Variants in B3GALT1 observed in about 807,000 individuals in gnomAD.
The protein encoded by B3GALT1 is beta-1,3-galactosyltransferase 1.
Under a neutral mutation model 23.2 loss-of-function variants are expected in B3GALT1, and 10 were observed. The ratio of observed to expected loss-of-function variants is 0.43; its 90% CI spans 0.27 to 0.73. B3GALT1 has a LOEUF of 0.73. B3GALT1 is among the 30% of genes least tolerant of loss of function. The probability of loss-of-function intolerance (pLI) is 0.21; values close to 1 mark genes in which losing one functional copy is unlikely to be tolerated. For synonymous variants in B3GALT1, 156 were observed against 141.5 expected, an observed-to-expected ratio of 1.10 and a Z score of -0.73; for missense variants, 299 against 405.4, an observed-to-expected ratio of 0.74 and a Z score of 2.25.
At chr2:167,542,287 C>T (rs764680096) in intron 2 of B3GALT1, among the ~76,000 whole-genome samples, 1 of 151,948 alleles carries the variant, frequency 6.6e-6, no homozygotes, top group Non-Finnish European at 1.5e-5. Context: ...TCTTTTCTAA[C>T]ATGTTTTGAG....
intron 2 of B3GALT1, among the ~76,000 whole-genome samples, chr2:167,635,986 A>G (rs1254445302): frequency 1.3e-5 from 2 of 152,176 alleles, no homozygotes; most frequent in Non-Finnish European, 2.9e-5. Context: ...TACTGGTACC[A>G]AAACAGATGT....
At chr2:167,752,405 G>T (rs1449513163) in intron 3 of B3GALT1, among the ~76,000 whole-genome samples, 1 of 151,992 alleles carries the variant, frequency 6.6e-6, no homozygotes, top group African/African-American at 2.4e-5. Flanking sequence ...TTTTATAAAG[G>T]CCGTGTAAAT....
intron 1 of B3GALT1, among the ~76,000 whole-genome samples, chr2:167,387,943 T>C (rs1049294668): frequency 7.9e-5 from 12 of 152,226 alleles, no homozygotes; most frequent in Non-Finnish European, 1.5e-4. Flanking sequence ...TGTAACTTAA[T>C]GGAATGCCAC....
chr2:167,449,259 A>G (rs975195615), intron 1 of B3GALT1, among the ~76,000 whole-genome samples: 2 of 152,050 alleles, frequency 1.3e-5, no homozygotes, highest in Non-Finnish European at 2.9e-5. Context: ...GTCATCAGTG[A>G]TTTCTTTCAG....
chr2:167,562,688 T>C (rs1219989792), intron 2 of B3GALT1, among the ~76,000 whole-genome samples: 1 of 151,596 alleles, frequency 6.6e-6, no homozygotes, highest in Non-Finnish European at 1.5e-5. Context: ...CTTGGGTGTT[T>C]CTCGCAGAGG....
intron 4 of B3GALT1, among the ~76,000 whole-genome samples, chr2:167,853,014 T>C (rs1022163057): frequency 1.3e-5 from 2 of 152,290 alleles, no homozygotes; most frequent in Non-Finnish European, 2.9e-5. Flanking sequence ...AGAGTCACAG[T>C]TCAAAGCAAT....
At chr2:167,841,915 A>G (rs953828983) in intron 4 of B3GALT1, among the ~76,000 whole-genome samples, 1 of 152,222 alleles carries the variant, frequency 6.6e-6, no homozygotes, top group Admixed American at 6.5e-5. Context: ...CTTTAAAATA[A>G]TAAAATTTTT....
rs528268367 is a variant in B3GALT1 at position 167,493,581 on chromosome 2, G to A, written c.-410+3304G>A. ...ACTAACATTCTTATGCAGTTTTTATGTGCAAAGGAGAGTCTCAACAGTGAC... is the reference window on the plus strand; with the variant it reads ...ACTAACATTCTTATGCAGTTTTTATATGCAAAGGAGAGTCTCAACAGTGAC... On this transcript the variant is annotated intron_variant, in intron 2 of 4. Coordinates refer to ENST00000392690, the MANE Select transcript of B3GALT1 (RefSeq NM_020981.4). Among the ~76,000 whole-genome samples, 3 of 152,296 alleles carry A rather than the reference G, an allele frequency of 2.0e-5. No individual in the cohort carries two copies. In the South Asian group the frequency reaches 6.2e-4, roughly 32 times the overall value.
chr2:167,651,265 TGTGTGTGCGC>T (rs11278740), intron 3 of B3GALT1, among the ~76,000 whole-genome samples: 77,963 of 115,624 alleles, frequency 0.67, 23,062 homozygotes, highest in Non-Finnish European at 0.76. Context: ...TGTGTGTGTG[TGTGTGTGCGC>T]GCACGTGCAC....
intron 3 of B3GALT1, among the ~76,000 whole-genome samples, chr2:167,771,356 G>A (rs541474029): frequency 1.2e-4 from 18 of 152,252 alleles, no homozygotes; most frequent in African/African-American, 2.9e-4. Flanking sequence ...TTGGGAGGCC[G>A]AGGCGGGCAG....
chr2:167,438,096 A>G (rs1698815313), intron 1 of B3GALT1, among the ~76,000 whole-genome samples: 1 of 152,244 alleles, frequency 6.6e-6, no homozygotes, highest in South Asian at 2.1e-4. Flanking sequence ...TTTAACATCC[A>G]GCTCTCTGGC....
At chr2:167,775,153 T>C (rs1220436401) in intron 3 of B3GALT1, among the ~76,000 whole-genome samples, 1 of 152,220 alleles carries the variant, frequency 6.6e-6, no homozygotes, top group African/African-American at 2.4e-5. Context: ...ATAAGAAAAT[T>C]CTTTATACTG....
intron 2 of B3GALT1, among the ~76,000 whole-genome samples, chr2:167,631,002 G>A (rs1459194606): frequency 1.7e-5 from 2 of 119,040 alleles, no homozygotes; most frequent in Non-Finnish European, 3.3e-5. Flanking sequence ...GAGGAACTAG[G>A]ATTGGGGGTA....
intron 2 of B3GALT1, among the ~76,000 whole-genome samples, chr2:167,621,418 GTTA>G: frequency 6.6e-6 from 1 of 152,022 alleles, no homozygotes; most frequent in African/African-American, 2.4e-5. Context: ...TAACTAAAAT[GTTA>G]TTATTTTATC....
intron 2 of B3GALT1, among the ~76,000 whole-genome samples, chr2:167,608,059 A>G (rs1039246325): frequency 6.6e-6 from 1 of 152,180 alleles, no homozygotes; most frequent in Non-Finnish European, 1.5e-5. Flanking sequence ...GTTCCCGTAG[A>G]CAAAATTATG....
At chr2:167,711,100 G>A (rs1330361759) in intron 3 of B3GALT1, among the ~76,000 whole-genome samples, 2 of 151,898 alleles carry the variant, frequency 1.3e-5, no homozygotes, top group African/African-American at 4.8e-5. Context: ...AGCTACTCTT[G>A]CCTTTATCTC....
intron 1 of B3GALT1, among the ~76,000 whole-genome samples, chr2:167,440,369 T>G (rs1031770621): frequency 1.5e-5 from 2 of 134,272 alleles, no homozygotes; most frequent in Admixed American, 1.5e-4. Context: ...AAAAAAGAAA[T>G]AATTTAAAAT....
intron 1 of B3GALT1, among the ~76,000 whole-genome samples, chr2:167,355,470 T>C (rs1275550072): frequency 6.6e-6 from 1 of 152,190 alleles, no homozygotes; most frequent in Non-Finnish European, 1.5e-5. Context: ...ATGTATTGTA[T>C]TTAATAACTT....
chr2:167,476,857 G>A (rs1267455308), intron 1 of B3GALT1, among the ~76,000 whole-genome samples: 1 of 152,130 alleles, frequency 6.6e-6, no homozygotes, highest in Non-Finnish European at 1.5e-5. Flanking sequence ...AGAAGAAAGG[G>A]GGATCACCAA....
Sources: gnomAD v4.1 joint callset for allele counts (sites outside exome capture counted in the v4.1 genomes callset) on GRCh38, gnomAD v4.1.1 for gene constraint, MANE v1.5 for transcripts, NCBI Gene and HGNC (gene_info 2026-07-23, HGNC 2026-07-21) for gene names.